The following NAV3 variants were observed in gnomAD, a reference collection of about 807,000 sequenced individuals.
The protein encoded by NAV3 is neuron navigator 3.
In NAV3, 87 loss-of-function variants were observed where a neutral mutation model predicts 244.7. The observed-to-expected ratio is 0.36, with a 90% confidence interval of 0.30 to 0.42. The LOEUF is 0.42. Among genes scored for constraint, NAV3 ranks in the 20% least tolerant of loss-of-function variants. NAV3 has a pLI of 1.00. For synonymous variants in NAV3, 1,126 were observed against 1,042.2 expected, an observed-to-expected ratio of 1.08 and a Z score of -1.55; for missense variants, 2,663 against 2,893.3, an observed-to-expected ratio of 0.92 and a Z score of 1.83.
chr12:77,813,106 A>G lies in NAV3; in HGVS notation c.73-127213A>G, dbSNP rs140359992. On this transcript the variant is annotated intron_variant, in intron 2 of 8. Coordinates refer to the NAV3 transcript ENST00000550042. The stretch of plus-strand genomic sequence containing the variant: ...CCAAAGTGCTGAGATTACAGGTGTA[A>G]GCCATCATGCCTGGCCTAAAAGACA... Among the ~76,000 whole-genome samples, 117 of 152,300 alleles carry G rather than the reference A, an allele frequency of 7.7e-4. 1 individual carries two copies. Among genetic ancestry groups the G allele is most frequent in the Admixed American group, 4.3e-3 (66 of 15,298 alleles).
chr12:77,774,053 TTA>T (rs1870231850), intron 2 of NAV3, among the ~76,000 whole-genome samples: 1 of 152,182 alleles, frequency 6.6e-6, no homozygotes, highest in African/African-American at 2.4e-5. Context: ...ATGATTGTGT[TTA>T]TATTTTTTTA....
intron 3 of NAV3, among the ~76,000 whole-genome samples, chr12:77,964,539 A>G (rs1892345245): frequency 2.0e-5 from 3 of 152,226 alleles, no homozygotes; most frequent in Non-Finnish European, 1.5e-5. Flanking sequence ...GGATGGATAG[A>G]GAACATCAAA....
chr12:77,970,084 T>A (rs2138024897), intron 5 of NAV3, among the ~76,000 whole-genome samples: 1 of 152,288 alleles, frequency 6.6e-6, no homozygotes, highest in East Asian at 1.9e-4. Flanking sequence ...GCTACTATAT[T>A]TGTTCCTGAA....
At chr12:78,184,393 G>A (rs984758917) in intron 30 of NAV3, among the ~76,000 whole-genome samples, 3 of 151,732 alleles carry the variant, frequency 2.0e-5, no homozygotes, top group Non-Finnish European at 4.4e-5. Context: ...GACACTTAAG[G>A]AAGAGTTTTA....
intron 2 of NAV3, among the ~76,000 whole-genome samples, chr12:77,724,116 T>C (rs961227223): frequency 4.5e-4 from 68 of 152,098 alleles, no homozygotes; most frequent in South Asian, 1.0e-3. Context: ...GATGCACATG[T>C]AAAGTATCAA....
At chr12:78,006,374 A>T (rs201762504) in intron 7 of NAV3, 45 bp from the exon 8 acceptor site, 2 of 1,544,636 alleles carry the variant, frequency 1.3e-6, no homozygotes, top group Non-Finnish European at 1.8e-6. Context: ...ATAAATGATC[A>T]AGATTAATCG....
At chr12:77,880,517 C>T (rs1316198259) in intron 1 of NAV3, among the ~76,000 whole-genome samples, 1 of 152,070 alleles carries the variant, frequency 6.6e-6, no homozygotes, top group East Asian at 1.9e-4. Context: ...AAGTGAGTGA[C>T]GCCTTCTGGA....
intron 3 of NAV3, among the ~76,000 whole-genome samples, chr12:77,952,273 T>G (rs1890974607): frequency 6.6e-6 from 1 of 152,120 alleles, no homozygotes; most frequent in Non-Finnish European, 1.5e-5. Flanking sequence ...ACATCATGTC[T>G]TTAGTGTTGT....
intron 2 of NAV3, among the ~76,000 whole-genome samples, chr12:77,622,392 C>T (rs1384654421): frequency 6.6e-6 from 1 of 152,134 alleles, no homozygotes; most frequent in Non-Finnish European, 1.5e-5. Context: ...ATCTCCTGAC[C>T]TTGTGATCTG....
intron 1 of NAV3, among the ~76,000 whole-genome samples, chr12:77,890,756 G>A (rs1883839627): frequency 6.6e-6 from 1 of 152,170 alleles, no homozygotes; most frequent in South Asian, 2.1e-4. Context: ...CTTACACAAA[G>A]TAGTTACTTC....
intron 2 of NAV3, among the ~76,000 whole-genome samples, chr12:77,661,175 T>G (rs1418181950): frequency 6.6e-6 from 1 of 152,186 alleles, no homozygotes. Flanking sequence ...TTTTTCATTG[T>G]GGACGTACCG....
At chr12:77,884,406 G>A (rs1260086738) in intron 1 of NAV3, among the ~76,000 whole-genome samples, 1 of 152,076 alleles carries the variant, frequency 6.6e-6, no homozygotes, top group Non-Finnish European at 1.5e-5. Context: ...TGGTAGTGTG[G>A]CTCAGTCCAA....
intron 1 of NAV3, among the ~76,000 whole-genome samples, chr12:77,872,460 T>A (rs987565500): frequency 3.3e-5 from 5 of 151,924 alleles, no homozygotes; most frequent in African/African-American, 9.7e-5. Flanking sequence ...AATGCAAGAG[T>A]TAGAACTAAA....
At chr12:77,926,291 C>T (rs73144256) in intron 1 of NAV3, among the ~76,000 whole-genome samples, 16,680 of 152,146 alleles carry the variant, frequency 0.11, 1,195 homozygotes, top group South Asian at 0.15. Flanking sequence ...ATCTTTGTCA[C>T]TAACAATTTA....
intron 11 of NAV3, among the ~76,000 whole-genome samples, chr12:78,054,219 G>A (rs1883164851): frequency 6.6e-6 from 1 of 152,042 alleles, no homozygotes; most frequent in Non-Finnish European, 1.5e-5. Flanking sequence ...TATAAGAAAA[G>A]TACAAACATA....
chr12:77,964,963 CT>C (rs1892381506), intron 3 of NAV3, among the ~76,000 whole-genome samples: 1 of 151,552 alleles, frequency 6.6e-6, no homozygotes, highest in African/African-American at 2.4e-5. Context: ...CTATTTTTTT[CT>C]TTTCATTTTC....
chr12:77,663,121 T>C (rs1050989822), intron 2 of NAV3, among the ~76,000 whole-genome samples: 7 of 152,236 alleles, frequency 4.6e-5, no homozygotes, highest in African/African-American at 1.7e-4. Flanking sequence ...TTATCGTTTT[T>C]GTGAAACTAA....
At chr12:77,927,940 G>A (rs182095793) in intron 1 of NAV3, among the ~76,000 whole-genome samples, 53 of 152,098 alleles carry the variant, frequency 3.5e-4, no homozygotes, top group Middle Eastern at 3.4e-3. Context: ...GAAAATGCTG[G>A]AAGTGCACGG....
chr12:77,663,594 T>C (rs1873575170), intron 2 of NAV3, among the ~76,000 whole-genome samples: 1 of 151,282 alleles, frequency 6.6e-6, no homozygotes, highest in Non-Finnish European at 1.5e-5. Flanking sequence ...CGATCTCGGC[T>C]CACTGCAGCC....
Sources: gnomAD v4.1 joint callset for allele counts (sites outside exome capture counted in the v4.1 genomes callset) on GRCh38, gnomAD v4.1.1 for gene constraint, MANE v1.5 for transcripts, NCBI Gene and HGNC (gene_info 2026-07-23, HGNC 2026-07-21) for gene names.